The following RASGRF2 variants were observed in gnomAD, a reference collection of about 807,000 sequenced individuals.
RASGRF2 encodes ras-specific guanine nucleotide-releasing factor 2.
RASGRF2 carries 76 observed loss-of-function variants against 151.0 expected under a neutral mutation model. That is an observed-to-expected ratio of 0.50 (90% CI 0.42 to 0.61). The LOEUF (loss-of-function observed/expected upper bound fraction) is 0.61. RASGRF2 is among the 20% of genes least tolerant of loss of function. The pLI is 0.00. For missense variants in RASGRF2, 1,148 were observed against 1,564.6 expected (o/e 0.73, Z 4.49); for synonymous variants, 504 against 566.5 (o/e 0.89, Z 1.57).
intron 18 of RASGRF2, among the ~76,000 whole-genome samples, chr5:81,184,573 A>T (rs1754984220): frequency 6.6e-6 from 1 of 152,214 alleles, no homozygotes; most frequent in South Asian, 2.1e-4. Context: ...GTGTCTGCAG[A>T]TTACCACTGG....
intron 17 of RASGRF2, among the ~76,000 whole-genome samples, chr5:81,133,104 A>C (rs772803424): frequency 1.3e-5 from 2 of 152,156 alleles, no homozygotes; most frequent in Non-Finnish European, 2.9e-5. Context: ...GTTAGCCCAG[A>C]GTCAGGTGGT....
At position 80,971,823 on chromosome 5, in the gene RASGRF2, G is replaced by A. The variant is rs112284746; in HGVS notation, c.288+10797G>A. ...GGGCTCAAGCAATCTGCTCCCCCTT[G>A]GCCTCCCAAAGTGCTGGGATTACAG... On this transcript the variant is annotated intron_variant, in intron 1 of 26. Coordinates refer to ENST00000265080, the MANE Select transcript of RASGRF2 (RefSeq NM_006909.3). 7.0e-3 allele frequency among the ~76,000 whole-genome samples: 1,062 copies of A among 151,898 alleles called. 13 individuals are homozygous for A. The highest frequency in any genetic ancestry group is 0.024 in the African/African-American group (1,003 of 41,448).
At chr5:81,059,664 G>T (rs1751355045) in intron 2 of RASGRF2, among the ~76,000 whole-genome samples, 1 of 151,712 alleles carries the variant, frequency 6.6e-6, no homozygotes, top group East Asian at 1.9e-4. Context: ...GGACAAGATG[G>T]TGAAACCCCG....
intron 21 of RASGRF2, among the ~76,000 whole-genome samples, chr5:81,207,591 G>A (rs1408891083): frequency 6.6e-6 from 1 of 152,194 alleles, no homozygotes; most frequent in Non-Finnish European, 1.5e-5. Context: ...CTGAGTATCA[G>A]AGTAATTTCG....
At chr5:81,068,585 C>G (rs1423757743) in intron 3 of RASGRF2, among the ~76,000 whole-genome samples, 1 of 152,126 alleles carries the variant, frequency 6.6e-6, no homozygotes, top group Admixed American at 6.5e-5. Flanking sequence ...TTCAGAAATA[C>G]TTTACTCTTT....
chr5:81,212,241 A>G (rs747019254), intron 22 of RASGRF2, 125 bp from the exon 23 acceptor site: 2 of 619,534 alleles, frequency 3.2e-6, no homozygotes, highest in Admixed American at 3.3e-5. Flanking sequence ...CTAAATGTAG[A>G]ATATGATCTT....
At chr5:80,980,826 G>A (rs1411682249) in intron 1 of RASGRF2, among the ~76,000 whole-genome samples, 3 of 152,134 alleles carry the variant, frequency 2.0e-5, no homozygotes, top group Non-Finnish European at 2.9e-5. Flanking sequence ...TTTGTAGGGA[G>A]CGTCTCTGTA....
intron 23 of RASGRF2, among the ~76,000 whole-genome samples, chr5:81,214,404 A>G (rs1432700104): frequency 6.6e-6 from 1 of 152,178 alleles, no homozygotes. Flanking sequence ...ACCCTGCTTC[A>G]GACACCTTTG....
chr5:80,964,591 A>G (rs1747666855), intron 1 of RASGRF2, among the ~76,000 whole-genome samples: 1 of 152,158 alleles, frequency 6.6e-6, no homozygotes, highest in African/African-American at 2.4e-5. Flanking sequence ...TATGTTGAAG[A>G]GTTCCTTACT....
At chr5:81,117,455 T>C (rs1435611252) in intron 15 of RASGRF2, among the ~76,000 whole-genome samples, 1 of 152,158 alleles carries the variant, frequency 6.6e-6, no homozygotes. Context: ...ACTGCAATAA[T>C]GGCATTAATC....
At chr5:81,166,212 A>G (rs1287408509) in intron 17 of RASGRF2, among the ~76,000 whole-genome samples, 1 of 151,780 alleles carries the variant, frequency 6.6e-6, no homozygotes, top group Non-Finnish European at 1.5e-5. Flanking sequence ...TTTGAGATGG[A>G]GTCTTGCTCT....
chr5:81,076,310 G>A (rs1330281140), intron 5 of RASGRF2, among the ~76,000 whole-genome samples: 2 of 152,086 alleles, frequency 1.3e-5, no homozygotes, highest in African/African-American at 4.8e-5. Flanking sequence ...GAGGAGAGAG[G>A]GAATTGCTGA....
intron 5 of RASGRF2, among the ~76,000 whole-genome samples, chr5:81,075,612 G>GT (rs1431689317): frequency 2.0e-5 from 3 of 152,176 alleles, no homozygotes; most frequent in Admixed American, 1.3e-4. Flanking sequence ...AGATTGCAAC[G>GT]TTTTTTGGTC....
intron 2 of RASGRF2, among the ~76,000 whole-genome samples, chr5:81,051,448 A>G (rs1751007644): frequency 6.6e-6 from 1 of 152,174 alleles, no homozygotes; most frequent in African/African-American, 2.4e-5. Flanking sequence ...TTTCAACACC[A>G]CAAAAGAAAC....
chr5:80,998,973 G>C (rs2112284015), intron 1 of RASGRF2, among the ~76,000 whole-genome samples: 1 of 152,176 alleles, frequency 6.6e-6, no homozygotes, highest in Non-Finnish European at 1.5e-5. Context: ...ATACTCTCTT[G>C]GTCCCTGGGG....
chr5:81,118,688 T>TC (rs1189549962), intron 15 of RASGRF2, among the ~76,000 whole-genome samples: 1 of 152,228 alleles, frequency 6.6e-6, no homozygotes, highest in African/African-American at 2.4e-5. Flanking sequence ...TCCAAGTCTT[T>TC]CTGCTCTGTT....
At chr5:81,111,796 A>G (rs1383791075) in intron 13 of RASGRF2, among the ~76,000 whole-genome samples, 1 of 152,218 alleles carries the variant, frequency 6.6e-6, no homozygotes, top group Non-Finnish European at 1.5e-5. Context: ...CCCTATATCC[A>G]TCAGTTTAAT....
At chr5:81,095,037 A>G (rs1752509752) in intron 12 of RASGRF2, 45 bp downstream of exon 12, 1 of 1,330,914 alleles carries the variant, frequency 7.5e-7, no homozygotes, top group African/African-American at 1.5e-5. Flanking sequence ...TAAATTTCAC[A>G]ACTCAAACTT....
chr5:81,158,344 A>T (rs1372819306), intron 17 of RASGRF2, among the ~76,000 whole-genome samples: 2 of 152,238 alleles, frequency 1.3e-5, no homozygotes, highest in Non-Finnish European at 2.9e-5. Context: ...AGCCAAAATT[A>T]TGAAACTTTG....
Sources: allele counts gnomAD v4.1 joint callset (sites outside exome capture counted in the v4.1 genomes callset), GRCh38; gene constraint gnomAD v4.1.1; transcripts MANE v1.5; gene names NCBI Gene and HGNC (gene_info 2026-07-23, HGNC 2026-07-21).